The following MACROD1 variants were observed in gnomAD, a reference collection of about 807,000 sequenced individuals.
MACROD1 encodes mono-ADP ribosylhydrolase 1, also known as ADP-ribose glycohydrolase MACROD1.
MACROD1 carries 31 observed loss-of-function variants against 41.4 expected under a neutral mutation model. That is an observed-to-expected ratio of 0.75 (90% confidence interval 0.56 to 1.01). MACROD1 has a LOEUF of 1.01. Among genes scored for constraint, MACROD1 ranks in the 50% least tolerant of loss-of-function variants. The pLI, the probability that MACROD1 is intolerant of heterozygous loss-of-function variation, is 0.00. For synonymous variants in MACROD1, 252 were observed against 203.4 expected, an observed-to-expected ratio of 1.24 and a Z score of -2.03; for missense variants, 473 against 460.0, an observed-to-expected ratio of 1.03 and a Z score of -0.26.
At chr11:64,031,936 G>C (rs80186034) in intron 3 of MACROD1, among the ~76,000 whole-genome samples, 3,002 of 152,350 alleles carry the variant, frequency 0.02, 107 homozygotes, top group African/African-American at 0.068. Flanking sequence ...CCTCCTTGGA[G>C]GTGATACCCA....
intron 3 of MACROD1, among the ~76,000 whole-genome samples, chr11:64,110,895 C>T (rs1456387834): frequency 1.3e-5 from 2 of 152,192 alleles, no homozygotes; most frequent in African/African-American, 4.8e-5. Context: ...TCTTCCTCCC[C>T]ACCCCCAGGT....
At position 64,090,393 on chromosome 11, in the gene MACROD1, G is replaced by A. The variant is rs918630154; in HGVS notation, c.517+60846C>T. Reference sequence around the variant, plus strand: ...TCAGGCAGCAGGGCACAATTACTGAGCCTGGTGCTTTATTTCCTCAACTCA... The same window carrying A: ...TCAGGCAGCAGGGCACAATTACTGAACCTGGTGCTTTATTTCCTCAACTCA... On this transcript the variant is annotated intron_variant, in intron 3 of 10. Coordinates refer to ENST00000255681, the MANE Select transcript of MACROD1 (RefSeq NM_014067.4). This position sits in a 1 kb window ranked among gnomAD's most constrained non-coding sequence, Gnocchi z 4.7. Among the ~76,000 whole-genome samples, 1 of 152,220 alleles carries A rather than the reference G, an allele frequency of 6.6e-6. No individual in the cohort carries two copies. The highest frequency in any genetic ancestry group is 2.4e-5 in the African/African-American group (1 of 41,442).
At chr11:64,069,762 C>T (rs1400361590) in intron 3 of MACROD1, among the ~76,000 whole-genome samples, 2 of 152,224 alleles carry the variant, frequency 1.3e-5, no homozygotes, top group Non-Finnish European at 2.9e-5. Flanking sequence ...AAATGCTTCG[C>T]CAGGAAACCT....
At chr11:64,013,952 C>G (rs771038350) in intron 4 of MACROD1, among the ~76,000 whole-genome samples, 7 of 152,112 alleles carry the variant, frequency 4.6e-5, no homozygotes, top group Non-Finnish European at 8.8e-5. Context: ...CAGGGACAGG[C>G]ACTCCTCATC....
chr11:64,165,207 G>A (rs1303751406), intron 1 of MACROD1, among the ~76,000 whole-genome samples: 1 of 152,210 alleles, frequency 6.6e-6, no homozygotes, highest in African/African-American at 2.4e-5. Flanking sequence ...CACCAGGTGG[G>A]ACGCCAGCCC....
intron 3 of MACROD1, among the ~76,000 whole-genome samples, chr11:64,094,045 C>G (rs1944534945): frequency 6.6e-6 from 1 of 152,214 alleles, no homozygotes; most frequent in South Asian, 2.1e-4. Context: ...GCCTGTAATC[C>G]CAGCACTTTG....
At chr11:64,117,981 G>T (rs1945023545) in intron 3 of MACROD1, 3 of 1,613,750 alleles carry the variant, frequency 1.9e-6, no homozygotes, top group Non-Finnish European at 2.5e-6. Flanking sequence ...GGTCCTGGGG[G>T]CCATCTGCTG....
intron 4 of MACROD1, among the ~76,000 whole-genome samples, chr11:64,003,702 C>T (rs762949086): frequency 2.6e-5 from 4 of 152,216 alleles, no homozygotes; most frequent in Non-Finnish European, 4.4e-5. Context: ...CTTGCCCACA[C>T]GGCTGGAAGG....
At chr11:64,025,970 C>G (rs1012697972) in intron 3 of MACROD1, among the ~76,000 whole-genome samples, 2 of 152,060 alleles carry the variant, frequency 1.3e-5, no homozygotes, top group Non-Finnish European at 2.9e-5. Flanking sequence ...ATCACAAGGT[C>G]AAGAGTTCGA....
intron 1 of MACROD1, among the ~76,000 whole-genome samples, chr11:64,153,111 G>T (rs1171511466): frequency 6.6e-6 from 1 of 151,948 alleles, no homozygotes; most frequent in Non-Finnish European, 1.5e-5. Flanking sequence ...ACCCTGGCCG[G>T]CTCCCCTTGC....
intron 3 of MACROD1, among the ~76,000 whole-genome samples, chr11:64,018,995 C>A (rs1344054741): frequency 6.6e-6 from 1 of 152,198 alleles, no homozygotes; most frequent in Non-Finnish European, 1.5e-5. Context: ...CTGCTCCCAG[C>A]AAACAGGGGC....
At chr11:64,024,890 G>A (rs1943204889) in intron 3 of MACROD1, among the ~76,000 whole-genome samples, 1 of 152,256 alleles carries the variant, frequency 6.6e-6, no homozygotes, top group South Asian at 2.1e-4. Context: ...CACCCAGCTT[G>A]CTGGGTGACC....
chr11:64,162,541 A>G (rs1044829825), intron 1 of MACROD1, among the ~76,000 whole-genome samples: 2 of 151,962 alleles, frequency 1.3e-5, no homozygotes, highest in African/African-American at 4.8e-5. Flanking sequence ...TTGGCCGGCC[A>G]CAGTGGCTCA....
In MACROD1 at chr11:64,165,631, C is replaced by T. The variant is rs965058280; in HGVS notation, c.298+66G>A. 12 of 1,302,306 alleles carry T rather than the reference C, an allele frequency of 9.2e-6. No homozygotes were observed. The African/African-American group carries it at 1.9e-4, about 20-fold the overall frequency. 80.7% of individuals were successfully genotyped at this position (1,302,306 alleles called of 1,614,324 possible). On this transcript the variant is annotated intron_variant, in intron 1 of 10. Coordinates refer to ENST00000255681, the MANE Select transcript of MACROD1 (RefSeq NM_014067.4). Reference sequence around the variant, plus strand: ...GAAGGGGCTGCTCGCTCGTTGGGGGCCGCCCAGCCGGGAAGCTCCACGTGA... The same window carrying T: ...GAAGGGGCTGCTCGCTCGTTGGGGGTCGCCCAGCCGGGAAGCTCCACGTGA...
intron 3 of MACROD1, among the ~76,000 whole-genome samples, chr11:64,079,726 A>T (rs1944271476): frequency 6.6e-6 from 1 of 151,982 alleles, no homozygotes; most frequent in East Asian, 1.9e-4. Flanking sequence ...TCAGGGAGAG[A>T]GTGGGGCGCA....
chr11:64,053,145 G>A (rs1354819224), intron 3 of MACROD1, among the ~76,000 whole-genome samples: 1 of 152,228 alleles, frequency 6.6e-6, no homozygotes, highest in African/African-American at 2.4e-5. Context: ...CCAGGCTCAT[G>A]CGGGCCCCAG....
intron 3 of MACROD1, among the ~76,000 whole-genome samples, chr11:64,139,783 C>T (rs561596905): frequency 2.0e-5 from 3 of 151,868 alleles, no homozygotes; most frequent in Non-Finnish European, 2.9e-5. Context: ...GGTGAAACCC[C>T]GTATCTACTA....
In MACROD1 at chr11:64,102,282, G is replaced by A. The variant is rs529359791; in HGVS notation, c.517+48957C>T. Among the ~76,000 whole-genome samples the A allele has an allele frequency of 3.3e-5, 5 of 152,310 alleles. No homozygotes were observed. The South Asian group carries it at 8.3e-4, about 25-fold the overall frequency. On this transcript the variant is annotated intron_variant, in intron 3 of 10. Transcript: ENST00000255681. The stretch of plus-strand genomic sequence containing the variant: ...ATGAGAGGTGCTGGGGAGGGCTCGG[G>A]GTTTTGTTTTGGATTCCAGAACAGC...
intron 3 of MACROD1, among the ~76,000 whole-genome samples, chr11:64,027,870 G>A (rs1393994000): frequency 6.6e-6 from 1 of 152,206 alleles, no homozygotes; most frequent in Non-Finnish European, 1.5e-5. Flanking sequence ...ACTGGAAGAA[G>A]GTGGCACAGC....
Sources: gnomAD v4.1 joint callset for allele counts (sites outside exome capture counted in the v4.1 genomes callset) on GRCh38, gnomAD v4.1.1 for gene constraint, Gnocchi (gnomAD v3.1) non-coding constraint, MANE v1.5 for transcripts, NCBI Gene and HGNC (gene_info 2026-07-23, HGNC 2026-07-21) for gene names.